Variants in MTUS2 observed in about 807,000 individuals in gnomAD.
MTUS2 encodes microtubule-associated tumor suppressor candidate 2.
A neutral mutation model predicts 114.1 loss-of-function variants in MTUS2; 40 were observed. The ratio of observed to expected loss-of-function variants is 0.35; its 90% CI spans 0.27 to 0.46. The LOEUF is 0.46. Ranked by LOEUF, MTUS2 falls within the 20% of genes least tolerant of loss-of-function variation. MTUS2 has a pLI of 1.00. For synonymous variants in MTUS2, 688 were observed against 672.0 expected (o/e 1.02, Z -0.37); for missense variants, 1,679 against 1,705.4 (o/e 0.98, Z 0.27).
chr13:28,838,548 G>A (rs1372477114), intron 1 of MTUS2, among the ~76,000 whole-genome samples: 1 of 152,204 alleles, frequency 6.6e-6, no homozygotes, highest in Non-Finnish European at 1.5e-5. Flanking sequence ...CTAGTGGGCA[G>A]CTCTTCCCCA....
intron 2 of MTUS2, among the ~76,000 whole-genome samples, chr13:28,873,270 T>C (rs184739037): frequency 2.6e-5 from 4 of 152,322 alleles, no homozygotes; most frequent in African/African-American, 7.2e-5. Flanking sequence ...CCAAGAGTGT[T>C]TGAGGCACAT....
At chr13:28,976,241 G>T (rs1318784996) in intron 2 of MTUS2, among the ~76,000 whole-genome samples, 1 of 102,302 alleles carries the variant, frequency 9.8e-6, no homozygotes, top group Non-Finnish European at 1.9e-5. Context: ...AAGAAAAAAA[G>T]AATTAGAGAA....
intron 5 of MTUS2, among the ~76,000 whole-genome samples, chr13:29,247,075 C>A (rs1023782532): frequency 6.6e-6 from 1 of 152,112 alleles, no homozygotes; most frequent in African/African-American, 2.4e-5. Context: ...GCACACAGAT[C>A]AATTGGACAG....
At chr13:29,428,686 C>T (rs1301809221) in intron 8 of MTUS2, 14 of 1,241,990 alleles carry the variant, frequency 1.1e-5, no homozygotes, top group Non-Finnish European at 1.4e-5. Context: ...TCCTGGATTC[C>T]TGAAGTTTAG....
At chr13:28,846,589 T>G (rs1016112882) in intron 2 of MTUS2, among the ~76,000 whole-genome samples, 1 of 152,222 alleles carries the variant, frequency 6.6e-6, no homozygotes, top group African/African-American at 2.4e-5. Flanking sequence ...CCACTTACAG[T>G]GCGTTTTTAA....
intron 5 of MTUS2, among the ~76,000 whole-genome samples, chr13:29,117,640 A>G (rs1891143762): frequency 6.6e-6 from 1 of 152,190 alleles, no homozygotes; most frequent in African/African-American, 2.4e-5. Flanking sequence ...CGGCCACCCA[A>G]GGATCTCCCA....
At chr13:29,017,486 A>G (rs1183167198) in intron 2 of MTUS2, among the ~76,000 whole-genome samples, 1 of 152,198 alleles carries the variant, frequency 6.6e-6, no homozygotes. Context: ...CAATCTTTCG[A>G]AACCCATGCC....
intron 9 of MTUS2, among the ~76,000 whole-genome samples, chr13:29,440,495 A>C (rs753970949): frequency 2.0e-5 from 3 of 152,142 alleles, no homozygotes; most frequent in Non-Finnish European, 2.9e-5. Flanking sequence ...TTCATGTTGA[A>C]ATTTCTAATA....
In MTUS2 at chr13:29,505,735, T is replaced by C. The variant is rs1354006609; in HGVS notation, c.*2529T>C. ...CTGTCTCTTCGTGGCATTTGGGAGA[T>C]GCGTGGGCGGCCTGCCCCCCGACCG... On this transcript the variant is annotated 3_prime_UTR_variant, in exon 16 of 16. Coordinates refer to ENST00000612955, the MANE Select transcript of MTUS2 (RefSeq NM_001033602.4). 2.2e-5 allele frequency: 5 copies of C among 229,032 alleles called. No homozygotes were observed. The East Asian group carries it at 3.1e-4, about 14-fold the overall frequency. 14.2% of individuals were successfully genotyped at this position (229,032 alleles called of 1,614,324 possible). A position where few individuals can be genotyped will look rare whatever the true frequency, so the allele number is the denominator to read the frequency against.
At chr13:29,162,579 A>G (rs1184560043) in intron 5 of MTUS2, among the ~76,000 whole-genome samples, 1 of 152,214 alleles carries the variant, frequency 6.6e-6, no homozygotes, top group Non-Finnish European at 1.5e-5. Context: ...GACAAATACA[A>G]AATACCAAGT....
intron 2 of MTUS2, among the ~76,000 whole-genome samples, chr13:29,006,071 C>T (rs1566286409): frequency 6.6e-6 from 1 of 152,186 alleles, no homozygotes; most frequent in Non-Finnish European, 1.5e-5. Flanking sequence ...CTAAATATTT[C>T]TCTTGTATGG....
intron 2 of MTUS2, among the ~76,000 whole-genome samples, chr13:28,977,927 T>TA (rs777200574): frequency 4.3e-4 from 65 of 152,204 alleles, no homozygotes; most frequent in Admixed American, 1.2e-3. Context: ...TTGCCAGCTG[T>TA]AATACATACA....
At chr13:28,979,675 A>G (rs1884271182) in intron 2 of MTUS2, among the ~76,000 whole-genome samples, 2 of 152,158 alleles carry the variant, frequency 1.3e-5, no homozygotes, top group South Asian at 4.1e-4. Context: ...TGAGGTCTGA[A>G]GTGATTCCCA....
intron 4 of MTUS2, among the ~76,000 whole-genome samples, chr13:29,042,252 A>G (rs1346724979): frequency 6.6e-6 from 1 of 152,056 alleles, no homozygotes; most frequent in Non-Finnish European, 1.5e-5. Flanking sequence ...AATTCTGTTT[A>G]TGTCATATAT....
chr13:29,294,681 G>C (rs191347766), intron 6 of MTUS2, among the ~76,000 whole-genome samples: 18 of 152,310 alleles, frequency 1.2e-4, no homozygotes, highest in African/African-American at 3.8e-4. Context: ...TCCTCTCTCA[G>C]TGGAATCACA....
chr13:28,931,727 G>A (rs997304308), intron 2 of MTUS2, among the ~76,000 whole-genome samples: 2 of 152,028 alleles, frequency 1.3e-5, no homozygotes, highest in African/African-American at 2.4e-5. Context: ...TGTGCACAAC[G>A]TGCAGGTTTG....
chr13:29,080,782 A>G (rs993061332), intron 4 of MTUS2, among the ~76,000 whole-genome samples: 51 of 152,046 alleles, frequency 3.4e-4, no homozygotes, highest in African/African-American at 1.0e-3. Context: ...CTAGAATGCA[A>G]TGTCACAATC....
chr13:29,318,535 A>G (rs1209843989), intron 6 of MTUS2, among the ~76,000 whole-genome samples: 1 of 152,024 alleles, frequency 6.6e-6, no homozygotes, highest in East Asian at 1.9e-4. Flanking sequence ...TAAAATCTAT[A>G]ATTGACACAT....
At chr13:29,034,147 G>T (rs1886958251) in intron 4 of MTUS2, 22 bp downstream of exon 4, 1 of 1,612,940 alleles carries the variant, frequency 6.2e-7, no homozygotes, top group African/African-American at 1.3e-5. Context: ...AACAGTTTCT[G>T]CCTTTTCCTG....
Sources: allele counts gnomAD v4.1 joint callset (sites outside exome capture counted in the v4.1 genomes callset), GRCh38; gene constraint gnomAD v4.1.1; transcripts MANE v1.5; gene names NCBI Gene and HGNC (gene_info 2026-07-23, HGNC 2026-07-21).